Variants in STK10 observed in about 807,000 individuals in gnomAD.
STK10 encodes the protein serine/threonine kinase 10.
STK10 carries 78 observed loss-of-function variants against 113.8 expected under a neutral mutation model. The ratio of observed to expected loss-of-function variants is 0.69; its 90% CI spans 0.57 to 0.83. The LOEUF (loss-of-function observed/expected upper bound fraction) is 0.83. Ranked by LOEUF, STK10 falls within the 40% of genes least tolerant of loss-of-function variation. The probability of loss-of-function intolerance (pLI) is 0.00; values close to 1 mark genes in which losing one functional copy is unlikely to be tolerated. For synonymous variants in STK10, 465 were observed against 494.7 expected (o/e 0.94, Z 0.80); for missense variants, 1,109 against 1,280.1 (o/e 0.87, Z 2.04).
At chr5:172,097,621 C>T (rs756837503) in intron 7 of STK10, among the ~76,000 whole-genome samples, 1 of 152,198 alleles carries the variant, frequency 6.6e-6, no homozygotes, top group Non-Finnish European at 1.5e-5. Flanking sequence ...CAGGGTCTCA[C>T]TGTATGACTA....
intron 2 of STK10, among the ~76,000 whole-genome samples, chr5:172,129,185 C>T (rs115771335): frequency 0.01 from 1,586 of 152,238 alleles, 13 homozygotes; most frequent in Admixed American, 0.017. Context: ...CTGGGATGCA[C>T]GAAACCACAG....
At chr5:172,101,113 G>A (rs951587519) in intron 7 of STK10, among the ~76,000 whole-genome samples, 1 of 152,212 alleles carries the variant, frequency 6.6e-6, no homozygotes, top group Non-Finnish European at 1.5e-5. Context: ...GGTGACATTT[G>A]CTAAGTATTT....
At chr5:172,150,450 C>T (rs1770198651) in intron 2 of STK10, among the ~76,000 whole-genome samples, 1 of 149,194 alleles carries the variant, frequency 6.7e-6, no homozygotes. Flanking sequence ...CACTGCACTC[C>T]AGCCTGGGCA....
chr5:172,156,832 G>A, intron 1 of STK10, 44 bp from the exon 2 acceptor site: 1 of 1,586,478 alleles, frequency 6.3e-7, no homozygotes, highest in South Asian at 1.1e-5. Flanking sequence ...ATGCTCCGCA[G>A]GAAACTGACC....
At chr5:172,177,537 C>T (rs1055631010) in intron 1 of STK10, among the ~76,000 whole-genome samples, 2 of 152,224 alleles carry the variant, frequency 1.3e-5, no homozygotes, top group Non-Finnish European at 2.9e-5. Flanking sequence ...TCACTAGCCA[C>T]ATGTCACTAT....
intron 12 of STK10, among the ~76,000 whole-genome samples, chr5:172,073,635 C>A (rs1768245013): frequency 6.6e-6 from 1 of 151,636 alleles, no homozygotes; most frequent in Non-Finnish European, 1.5e-5. Context: ...TGCATAACAG[C>A]ACCAAAAACA....
intron 2 of STK10, among the ~76,000 whole-genome samples, chr5:172,135,922 G>A (rs924332938): frequency 6.6e-5 from 10 of 151,870 alleles, no homozygotes; most frequent in African/African-American, 2.4e-4. Flanking sequence ...AGCTACTTGG[G>A]TGGCTGAGGT....
Position 172,120,340 on chromosome 5 carries a change from T to C in STK10, c.371-2710A>G, listed in dbSNP as rs925226304. On this transcript the variant is annotated intron_variant, in intron 3 of 18. Transcript: ENST00000176763. This position sits in a 1 kb window ranked among gnomAD's most constrained non-coding sequence, Gnocchi z 4.0. ...CTCCCAGCCAGGCCCTCAGGAGTGG[T>C]ATAATAGACATGCCAACCAGGAATG... Among the ~76,000 whole-genome samples the C allele has an allele frequency of 3.3e-5, 5 of 152,210 alleles. No individual in the cohort carries two copies. The highest frequency in any genetic ancestry group is 1.2e-4 in the African/African-American group (5 of 41,526).
intron 1 of STK10, among the ~76,000 whole-genome samples, chr5:172,185,590 AC>A (rs969502371): frequency 1.3e-5 from 2 of 152,226 alleles, no homozygotes; most frequent in Non-Finnish European, 2.9e-5. Flanking sequence ...TGTTTAGCAT[AC>A]GCTAAAAACA....
intron 1 of STK10, among the ~76,000 whole-genome samples, chr5:172,176,869 T>C (rs1770768568): frequency 6.6e-6 from 1 of 152,170 alleles, no homozygotes; most frequent in Admixed American, 6.5e-5. Context: ...ATGAGATTAG[T>C]GTTCTTGTAA....
rs1169068980 is a variant in STK10, at chr5:172,156,650, C to T, written c.295G>A (p.Ala99Thr). The T allele has an allele frequency of 6.2e-7, 1 of 1,613,978 alleles. No individual in the cohort carries two copies. Among genetic ancestry groups the T allele is most frequent in the African/African-American group, 1.3e-5 (1 of 75,074 alleles). The part of the protein sequence containing the change: ...DHPYIVKLLG[A>T]YYHDGKLWIM... Reference sequence around the variant, plus strand: ...CACAGCTTCCCGTCGTGATAGTAGGCTCCCAGGAGCTTCACAATGTAGGGG... The same window carrying T: ...CACAGCTTCCCGTCGTGATAGTAGGTTCCCAGGAGCTTCACAATGTAGGGG... The change falls in exon 2 of 19, where the codon GCC becomes ACC. Residue 99 changes from alanine (A) to threonine (T), a missense_variant. Physicochemically the swap from Ala to Thr is moderately conservative, Grantham distance 58 (BLOSUM62 0). Coordinates refer to ENST00000176763, the MANE Select transcript of STK10 (RefSeq NM_005990.4).
intron 1 of STK10, among the ~76,000 whole-genome samples, chr5:172,178,334 G>C (rs1031939488): frequency 6.6e-6 from 1 of 152,056 alleles, no homozygotes; most frequent in African/African-American, 2.4e-5. Flanking sequence ...CTCATGGGCC[G>C]GCCTCTCTCC....
chr5:172,129,490 C>T (rs974214188), intron 2 of STK10, among the ~76,000 whole-genome samples: 2 of 152,224 alleles, frequency 1.3e-5, no homozygotes, highest in Non-Finnish European at 2.9e-5. Context: ...TAAAAGTCAT[C>T]AGAAATGGAT....
intron 12 of STK10, among the ~76,000 whole-genome samples, chr5:172,070,399 C>A (rs1191428503): frequency 6.6e-6 from 1 of 151,364 alleles, no homozygotes; most frequent in East Asian, 1.9e-4. Context: ...TAACCTGGGT[C>A]AAAGAGGAAG....
intron 2 of STK10, among the ~76,000 whole-genome samples, chr5:172,134,216 A>C (rs1769808983): frequency 6.6e-6 from 1 of 152,152 alleles, no homozygotes; most frequent in Admixed American, 6.6e-5. Context: ...TGCCTCTTTT[A>C]TGCTCCTTGT....
intron 10 of STK10, among the ~76,000 whole-genome samples, chr5:172,089,532 G>A (rs775833626): frequency 6.6e-6 from 1 of 151,960 alleles, no homozygotes; most frequent in Non-Finnish European, 1.5e-5. Flanking sequence ...GTGGACAGAC[G>A]GAAAGGTAGA....
chr5:172,170,921 T>G (rs964416992), intron 1 of STK10, among the ~76,000 whole-genome samples: 1 of 152,186 alleles, frequency 6.6e-6, no homozygotes, highest in Non-Finnish European at 1.5e-5. Context: ...GGGAGAGGAC[T>G]CCGGGGTCCA....
intron 1 of STK10, among the ~76,000 whole-genome samples, chr5:172,185,399 G>A (rs748340411): frequency 3.3e-5 from 5 of 152,124 alleles, no homozygotes; most frequent in East Asian, 1.9e-4. Context: ...CTCCTGAGAC[G>A]CTGGGATTAC....
At chr5:172,079,560 TA>T (rs1230666843) in intron 12 of STK10, among the ~76,000 whole-genome samples, 9 of 142,718 alleles carry the variant, frequency 6.3e-5, no homozygotes, top group African/African-American at 2.5e-4. Context: ...TTTATTTATT[TA>T]TTTATTTATT....
Sources: gnomAD v4.1 joint callset for allele counts (sites outside exome capture counted in the v4.1 genomes callset) on GRCh38, gnomAD v4.1.1 for gene constraint, Gnocchi (gnomAD v3.1) non-coding constraint, MANE v1.5 for transcripts, NCBI Gene and HGNC (gene_info 2026-07-23, HGNC 2026-07-21) for gene names.